GRID1: variants seen among roughly 807,000 people sequenced by gnomAD.
GRID1 encodes glutamate ionotropic receptor delta type subunit 1.
GRID1 carries 28 observed loss-of-function variants against 98.0 expected under a neutral mutation model. The observed-to-expected ratio is 0.29, with a 90% confidence interval of 0.21 to 0.39. The LOEUF is 0.39. Among genes scored for constraint, GRID1 ranks in the 10% least tolerant of loss-of-function variants. The pLI, the probability that GRID1 is intolerant of heterozygous loss-of-function variation, is 1.00. For missense variants in GRID1, 1,111 were observed against 1,340.5 expected (o/e 0.83, Z 2.67); for synonymous variants, 553 against 538.5 (o/e 1.03, Z -0.37).
intron 13 of GRID1, among the ~76,000 whole-genome samples, chr10:85,639,182 G>A (rs1417501931): frequency 6.6e-6 from 1 of 152,102 alleles, no homozygotes; most frequent in Non-Finnish European, 1.5e-5. Flanking sequence ...TATGTTAATT[G>A]GAGAATAAAT....
At chr10:85,797,609 A>ATT (rs746153179) in intron 8 of GRID1, among the ~76,000 whole-genome samples, 4,045 of 117,946 alleles carry the variant, frequency 0.034, 97 homozygotes, top group African/African-American at 0.059. Flanking sequence ...CTAAATCTGT[A>ATT]TTTTTTTTTT....
chr10:86,351,323 G>A (rs1848459181), intron 2 of GRID1, among the ~76,000 whole-genome samples: 1 of 152,244 alleles, frequency 6.6e-6, no homozygotes, highest in Admixed American at 6.5e-5. Context: ...CGGGCTAATG[G>A]GATTTCTGGG....
At chr10:85,612,118 A>T (rs971817122) in intron 15 of GRID1, among the ~76,000 whole-genome samples, 1 of 152,218 alleles carries the variant, frequency 6.6e-6, no homozygotes, top group African/African-American at 2.4e-5. Context: ...CAGAGAGCTC[A>T]CTACCTGGTA....
chr10:86,337,950 C>T (rs1365204421), intron 2 of GRID1, among the ~76,000 whole-genome samples: 1 of 152,164 alleles, frequency 6.6e-6, no homozygotes, highest in Admixed American at 6.5e-5. Flanking sequence ...TCAGGTGATC[C>T]ATCTGCCTCG....
chr10:86,320,213 C>T (rs1024483823), intron 2 of GRID1, among the ~76,000 whole-genome samples: 7 of 152,214 alleles, frequency 4.6e-5, no homozygotes, highest in African/African-American at 1.2e-4. Context: ...AATCACTAAG[C>T]GAATGAGGAT....
intron 8 of GRID1, among the ~76,000 whole-genome samples, chr10:85,774,012 G>A (rs879530213): frequency 7.9e-5 from 12 of 152,086 alleles, no homozygotes; most frequent in Admixed American, 1.3e-4. Context: ...AGCCCGCATC[G>A]CCAAGTCAAT....
chr10:85,615,636 G>A (rs1310254553), intron 14 of GRID1, among the ~76,000 whole-genome samples: 1 of 152,200 alleles, frequency 6.6e-6, no homozygotes, highest in African/African-American at 2.4e-5. Context: ...ATGGTTTGGG[G>A]TCATGCTTAG....
At chr10:85,749,612 C>A (rs1019396557) in intron 8 of GRID1, among the ~76,000 whole-genome samples, 1 of 152,142 alleles carries the variant, frequency 6.6e-6, no homozygotes, top group Admixed American at 6.5e-5. Context: ...AATTCCCAAG[C>A]ATAACCTACA....
intron 12 of GRID1, among the ~76,000 whole-genome samples, chr10:85,666,203 A>C (rs1841017781): frequency 6.6e-6 from 1 of 152,230 alleles, no homozygotes; most frequent in African/African-American, 2.4e-5. Flanking sequence ...GCCATTTTAT[A>C]GGCAAGGACA....
intron 14 of GRID1, among the ~76,000 whole-genome samples, chr10:85,616,613 C>T (rs934088180): frequency 5.3e-5 from 8 of 152,050 alleles, no homozygotes; most frequent in South Asian, 4.1e-4. Flanking sequence ...GCAATTTATA[C>T]GAAAGCATAA....
At position 85,722,994 on chromosome 10, in the gene GRID1, T is replaced by A. The variant is rs1340001571; in HGVS notation, c.1997+9A>T. The stretch of plus-strand genomic sequence containing the variant: ...CTGCTGGCTCCAGATCAAGGAGGAA[T>A]AGGCTTACCTTATGGGGTTGTCCAT... On this transcript the variant is annotated intron_variant, in intron 12 of 15. Coordinates refer to ENST00000327946, the MANE Select transcript of GRID1 (RefSeq NM_017551.3). The A allele has an allele frequency of 6.2e-7, 1 of 1,604,330 alleles. No individual in the cohort carries two copies. Among genetic ancestry groups the A allele is most frequent in the African/African-American group, 1.3e-5 (1 of 74,754 alleles).
chr10:85,640,496 G>C (rs1278198232), intron 13 of GRID1, among the ~76,000 whole-genome samples: 1 of 152,222 alleles, frequency 6.6e-6, no homozygotes, highest in Non-Finnish European at 1.5e-5. Context: ...GTGCACAGAA[G>C]TGCCCACCCA....
intron 2 of GRID1, among the ~76,000 whole-genome samples, chr10:86,284,309 C>T (rs1278991857): frequency 2.0e-5 from 3 of 152,196 alleles, no homozygotes; most frequent in Non-Finnish European, 4.4e-5. Flanking sequence ...CCTACACACA[C>T]ACAGCCCACC....
chr10:86,091,231 C>T (rs1001152353), intron 4 of GRID1, among the ~76,000 whole-genome samples: 12 of 152,178 alleles, frequency 7.9e-5, no homozygotes, highest in African/African-American at 2.9e-4. Context: ...AGGCAGATAG[C>T]CTTGGGCAAA....
intron 5 of GRID1, among the ~76,000 whole-genome samples, chr10:85,898,383 A>G (rs1564621468): frequency 1.3e-5 from 2 of 152,174 alleles, no homozygotes; most frequent in Non-Finnish European, 2.9e-5. Context: ...TATGAACACT[A>G]AACATAGGCA....
At chr10:86,211,857 G>A (rs939535839) in intron 2 of GRID1, among the ~76,000 whole-genome samples, 3 of 152,214 alleles carry the variant, frequency 2.0e-5, no homozygotes, top group African/African-American at 7.2e-5. Context: ...CAGAACCCAG[G>A]ATTCCAGGCT....
chr10:86,228,990 G>C (rs1292896891), intron 2 of GRID1, among the ~76,000 whole-genome samples: 1 of 152,184 alleles, frequency 6.6e-6, no homozygotes, highest in Admixed American at 6.5e-5. Context: ...AAGGGTGTGG[G>C]TGTGGAGGCA....
chr10:85,838,868 A>G (rs1278702766), intron 8 of GRID1, among the ~76,000 whole-genome samples: 3 of 152,180 alleles, frequency 2.0e-5, no homozygotes, highest in African/African-American at 7.2e-5. Flanking sequence ...ATAAAGAACC[A>G]AGATCCATTG....
Position 85,779,405 on chromosome 10 carries a change from T to C in GRID1, c.1234-49791A>G, listed in dbSNP as rs572052333. Among the ~76,000 whole-genome samples, 11 of 152,274 alleles carry C rather than the reference T, an allele frequency of 7.2e-5. No homozygotes were observed. The South Asian group carries it at 2.1e-3, about 29-fold the overall frequency. On this transcript the variant is annotated intron_variant, in intron 8 of 15. Transcript: ENST00000327946. ...CTGCCAGGGTTTCATCCCTACCATG[T>C]AGTGTAGGCATCAGATGCTCACTGA...
Sources: gnomAD v4.1 joint callset for allele counts (sites outside exome capture counted in the v4.1 genomes callset) on GRCh38, gnomAD v4.1.1 for gene constraint, MANE v1.5 for transcripts, NCBI Gene and HGNC (gene_info 2026-07-23, HGNC 2026-07-21) for gene names.